SERPINF2: variants seen among roughly 807,000 people sequenced by gnomAD.
SERPINF2 encodes the protein serpin family F member 2, also known as alpha-2-antiplasmin.
A neutral mutation model predicts 45.0 loss-of-function variants in SERPINF2; 15 were observed. That is an observed-to-expected ratio of 0.33 (90% CI 0.22 to 0.51). SERPINF2 has a LOEUF of 0.51. Among genes scored for constraint, SERPINF2 ranks in the 20% least tolerant of loss-of-function variants. SERPINF2 has a pLI of 0.97. For missense variants in SERPINF2, 518 were observed against 637.4 expected (o/e 0.81, Z 2.02); for synonymous variants, 283 against 277.9 (o/e 1.02, Z -0.18).
chr17:1,745,425 G>A lies in SERPINF2; in HGVS notation c.165+30G>A, dbSNP rs746573483. On this transcript the variant is annotated intron_variant, in intron 4 of 9. Transcript: ENST00000453066. The surrounding 1 kb of genome is among the most constrained non-coding windows in gnomAD (Gnocchi z 6.2). ...AACCAGGTGGGGCTGGGGAAGAGTG[G>A]GCGGGGCTAGAGGGAGGAGGGCCCA... 1 of 1,610,066 alleles carries A rather than the reference G, an allele frequency of 6.2e-7. No homozygotes were observed. The highest frequency in any genetic ancestry group is 8.5e-7 in the Non-Finnish European group (1 of 1,178,908).
Position 1,745,374 on chromosome 17 carries a change from C to T in SERPINF2, c.144C>T (p.Thr48=), listed in dbSNP as rs765434085. 3 of 1,612,728 alleles carry T rather than the reference C, an allele frequency of 1.9e-6. No homozygotes were observed. The highest frequency in any genetic ancestry group is 2.2e-5 in the East Asian group (1 of 44,810). ...GPNQEQVSPL[T]LLKLGNQEPG... ...ACCAGGAGCAGGTGTCCCCACTTAC[C>T]CTCCTCAAGTTGGGCAACCAGGTAC... Residue 48 remains threonine (T), a synonymous_variant, in exon 4 of 10, where the codon ACC becomes ACT. Transcript: ENST00000453066. The surrounding 1 kb of genome is among the most constrained non-coding windows in gnomAD (Gnocchi z 6.2).
In SERPINF2 at chr17:1,752,769, G is replaced by A. The variant is rs368082276; in HGVS notation, c.1042G>A (p.Val348Met). Reference sequence around the variant, plus strand: ...GTATCTGAAACACCAAATGGACCTGGTGGCCACCCTCAGCCAGCTGGGTAA... The same window carrying A: ...GTATCTGAAACACCAAATGGACCTGATGGCCACCCTCAGCCAGCTGGGTAA... ...KLYLKHQMDLVATLSQLGLQE... is the reference protein window; with the variant it reads ...KLYLKHQMDLMATLSQLGLQE... The change falls in exon 9 of 10, where the codon GTG (valine) becomes ATG (methionine). Residue 348 changes from valine to methionine, a missense_variant. Coordinates refer to ENST00000453066, the MANE Select transcript of SERPINF2 (RefSeq NM_000934.4). 2 of 1,612,480 alleles carry A rather than the reference G, an allele frequency of 1.2e-6. No homozygotes were observed. The highest frequency in any genetic ancestry group is 2.7e-5 in the African/African-American group (2 of 75,030).
In SERPINF2 at chr17:1,754,351, C is replaced by T; in HGVS notation, c.1293C>T (p.Gly431=). ...EDTTGLPLFV[G]SVRNPNPSAP... ...CCACAGGCCTTCCCCTCTTCGTGGG[C>T]AGCGTGAGGAACCCCAACCCCAGTG... Residue 431 remains glycine, a synonymous_variant, in exon 10 of 10, where the codon GGC becomes GGT. Transcript: ENST00000453066. The T allele has an allele frequency of 6.2e-7, 1 of 1,614,144 alleles. No homozygotes were observed. The highest frequency in any genetic ancestry group is 1.1e-5 in the South Asian group (1 of 91,088).
chr17:1,745,195 G>T lies in SERPINF2; in HGVS notation c.84G>T (p.Met28Ile). ...CACAGTTCTCCCCTGTGAGCGCCAT[G>T]GAGCCCTTGGGCCGGCAGGTACTGG... Reference protein sequence around the residue: ...PCSVFSPVSAMEPLGRQLTSG... With the variant: ...PCSVFSPVSAIEPLGRQLTSG... Residue 28 changes from methionine (M) to isoleucine (I), a missense_variant, in exon 3 of 10, where the codon ATG (methionine) becomes ATT (isoleucine). This residue lies in a region of SERPINF2 where 435 missense variants were observed against 577.3 expected (regional missense o/e 0.75). Transcript: ENST00000453066. This position sits in a 1 kb window ranked among gnomAD's most constrained non-coding sequence, Gnocchi z 6.2. 1 of 1,569,494 alleles carries T rather than the reference G, an allele frequency of 6.4e-7. No individual in the cohort carries two copies. The highest frequency in any genetic ancestry group is 8.6e-7 in the Non-Finnish European group (1 of 1,157,374).
In SERPINF2 at chr17:1,745,304, G is replaced by T. The variant is rs575772412; in HGVS notation, c.103-29G>T. 6.2e-7 allele frequency: 1 copy of T among 1,612,700 alleles called. No homozygotes were observed. The highest frequency in any genetic ancestry group is 1.3e-5 in the African/African-American group (1 of 74,954). On this transcript the variant is annotated intron_variant, in intron 3 of 9. Coordinates refer to ENST00000453066, the MANE Select transcript of SERPINF2 (RefSeq NM_000934.4). The surrounding 1 kb of genome is among the most constrained non-coding windows in gnomAD (Gnocchi z 6.2). ...GGGTGGGGGGCCTGTGGGAAGGGTC[G>T]GTCTCCATCTGCTTGCTCCTTTCCG... is the stretch of plus-strand genomic sequence containing the variant.
rs771136078 is a variant in SERPINF2 at position 1,754,586 on chromosome 17, C to T, written c.*52C>T. On this transcript the variant is annotated 3_prime_UTR_variant, in exon 10 of 10. Coordinates refer to ENST00000453066, the MANE Select transcript of SERPINF2 (RefSeq NM_000934.4). ...CCCTGCCTGGACCAGCCTCTCCACT[C>T]ATGTGACTCTTTCCAACCGGCTTTG... is the stretch of plus-strand genomic sequence containing the variant. The T allele has an allele frequency of 1.9e-6, 3 of 1,571,562 alleles. No homozygotes were observed. Among genetic ancestry groups the T allele is most frequent in the Non-Finnish European group, 2.6e-6 (3 of 1,165,640 alleles).
intron 8 of SERPINF2, among the ~76,000 whole-genome samples, chr17:1,751,108 C>T (rs1343621946): frequency 3.3e-5 from 5 of 152,144 alleles, no homozygotes; most frequent in Non-Finnish European, 4.4e-5. Context: ...AGGAGGCCCT[C>T]GAGCCCTGTG....
In SERPINF2 at chr17:1,754,953, T is replaced by G; in HGVS notation, c.*419T>G. 1.3e-5 allele frequency: 3 copies of G among 228,028 alleles called. No individual in the cohort carries two copies. The highest frequency in any genetic ancestry group is 1.1e-4 in the East Asian group (1 of 8,896). 14.1% of individuals were successfully genotyped at this position (228,028 alleles called of 1,614,324 possible). ...GGCTAGGGTGGGGAGAGACGGGCCC[T>G]GGTGGTGGCTCGGGAGGCGAAGCGT... On this transcript the variant is annotated 3_prime_UTR_variant, in exon 10 of 10. Transcript: ENST00000453066.
intron 5 of SERPINF2, among the ~76,000 whole-genome samples, chr17:1,746,727 C>T (rs902890898): frequency 6.6e-6 from 1 of 151,952 alleles, no homozygotes; most frequent in Non-Finnish European, 1.5e-5. Flanking sequence ...GCGCCCGGCC[C>T]CTCCTGGTGA....
At chr17:1,746,909 C>G in intron 5 of SERPINF2, 110 bp from the exon 6 acceptor site, 1 of 1,366,696 alleles carries the variant, frequency 7.3e-7, no homozygotes, top group Non-Finnish European at 9.9e-7. Flanking sequence ...GGAAGGATGG[C>G]GTGTGGTCCC....
intron 8 of SERPINF2, among the ~76,000 whole-genome samples, chr17:1,751,076 G>A (rs917457385): frequency 2.0e-5 from 3 of 152,182 alleles, no homozygotes; most frequent in African/African-American, 7.2e-5. Flanking sequence ...ACTCTGCCTG[G>A]AACCCAAGGA....
Position 1,754,693 on chromosome 17 carries a change from G to C in SERPINF2, c.*159G>C, listed in dbSNP as rs1369918777. On this transcript the variant is annotated 3_prime_UTR_variant, in exon 10 of 10. Transcript: ENST00000453066. ...TCTTGGGGAGTTTAGGGTGGGGGGG[G>C]GGCGCGGCTGGGAGGAGGGCAGGCA... 4 of 425,912 alleles carry C rather than the reference G, an allele frequency of 9.4e-6. 2 individuals carry two copies. The highest frequency in any genetic ancestry group is 1.6e-5 in the Non-Finnish European group (4 of 252,048). The allele number at this position is 425,912 out of a possible 1,614,324, so 26.4% of individuals were successfully genotyped here. A position where few individuals can be genotyped will look rare whatever the true frequency, so the allele number is the denominator to read the frequency against.
At position 1,752,845 on chromosome 17, in the gene SERPINF2, G is replaced by C; in HGVS notation, c.1063+55G>C. ...AGGTCAGGCTGGGCAGGGCGGGTAAGGAGGAAGCGTCTGGCTGGCAGTGGA... is the reference window on the plus strand; with the variant it reads ...AGGTCAGGCTGGGCAGGGCGGGTAACGAGGAAGCGTCTGGCTGGCAGTGGA... On this transcript the variant is annotated intron_variant, in intron 9 of 9. Coordinates refer to ENST00000453066, the MANE Select transcript of SERPINF2 (RefSeq NM_000934.4). The C allele has an allele frequency of 2.0e-6, 3 of 1,490,350 alleles. No individual in the cohort carries two copies. The South Asian group carries it at 3.6e-5, about 18-fold the overall frequency. 92.3% of individuals were successfully genotyped at this position (1,490,350 alleles called of 1,614,324 possible). A position where few individuals can be genotyped will look rare whatever the true frequency, so the allele number is the denominator to read the frequency against.
chr17:1,744,925 G>A lies in SERPINF2; in HGVS notation c.-4-67G>A, dbSNP rs531196259. 251 of 1,609,864 alleles carry A rather than the reference G, an allele frequency of 1.6e-4. No individual in the cohort carries two copies. The African/African-American group carries it at 2.6e-3, about 16-fold the overall frequency. ...AGGACTTGGCGTTATCTGTGATCGC[G>A]TGGGTAGGATTCCCTGGCGGGCGTG... is the stretch of plus-strand genomic sequence containing the variant. On this transcript the variant is annotated intron_variant, in intron 1 of 9. Transcript: ENST00000453066.
Position 1,745,302 on chromosome 17 carries a change from T to A in SERPINF2, c.103-31T>A. ...CAGGGTGGGGGGCCTGTGGGAAGGG[T>A]CGGTCTCCATCTGCTTGCTCCTTTC... On this transcript the variant is annotated intron_variant, in intron 3 of 9. Coordinates refer to ENST00000453066, the MANE Select transcript of SERPINF2 (RefSeq NM_000934.4). This position sits in a 1 kb window ranked among gnomAD's most constrained non-coding sequence, Gnocchi z 6.2. 1 of 1,611,550 alleles carries A rather than the reference T, an allele frequency of 6.2e-7. No individual in the cohort carries two copies. The highest frequency in any genetic ancestry group is 8.5e-7 in the Non-Finnish European group (1 of 1,179,482).
At chr17:1,753,194 C>G (rs150800118) in intron 9 of SERPINF2, among the ~76,000 whole-genome samples, 5 of 152,132 alleles carry the variant, frequency 3.3e-5, no homozygotes, top group Admixed American at 6.5e-5. Context: ...TGCTTGAGCC[C>G]GGGAGTCCGA....
At chr17:1,748,435 G>A (rs779560331) in intron 7 of SERPINF2, among the ~76,000 whole-genome samples, 163 bp from the exon 8 acceptor site, 22 of 152,208 alleles carry the variant, frequency 1.4e-4, no homozygotes, top group Non-Finnish European at 2.9e-4. Flanking sequence ...GCATTCCCTG[G>A]GGTCTTGGCC....
intron 9 of SERPINF2, among the ~76,000 whole-genome samples, chr17:1,753,352 G>A (rs1317007177): frequency 1.3e-5 from 2 of 152,166 alleles, no homozygotes; most frequent in African/African-American, 4.8e-5. Context: ...TTGTGCCACT[G>A]CACTCCAGCC....
intron 1 of SERPINF2, among the ~76,000 whole-genome samples, chr17:1,744,321 C>T (rs183238697): frequency 3.3e-5 from 5 of 152,024 alleles, no homozygotes; most frequent in African/African-American, 9.6e-5. Context: ...AGAGAAACCC[C>T]GTTTCTACTA....
Sources: gnomAD v4.1 joint callset for allele counts (sites outside exome capture counted in the v4.1 genomes callset) on GRCh38, gnomAD v4.1.1 for gene constraint, gnomAD v4.1.1 regional missense constraint, Gnocchi (gnomAD v3.1) non-coding constraint, MANE v1.5 for transcripts, NCBI Gene and HGNC (gene_info 2026-07-23, HGNC 2026-07-21) for gene names.